Variants in XKR4 observed in about 807,000 individuals in gnomAD.
XKR4 encodes XK related 4.
XKR4 carries 12 observed loss-of-function variants against 53.9 expected under a neutral mutation model. That is an observed-to-expected ratio of 0.22 (90% CI 0.14 to 0.36). The LOEUF (loss-of-function observed/expected upper bound fraction) is 0.36. XKR4 is among the 10% of genes least tolerant of loss of function. XKR4 has a pLI of 1.00. For missense variants in XKR4, 799 were observed against 859.5 expected (o/e 0.93, Z 0.88); for synonymous variants, 354 against 362.4 (o/e 0.98, Z 0.26).
At chr8:55,481,093 C>G (rs573692953) in intron 2 of XKR4, among the ~76,000 whole-genome samples, 1 of 152,176 alleles carries the variant, frequency 6.6e-6, no homozygotes, top group Non-Finnish European at 1.5e-5. Context: ...ATTGCCAAGT[C>G]AATCCTAAGC....
chr8:55,232,055 G>A (rs1470246588), intron 1 of XKR4, among the ~76,000 whole-genome samples: 2 of 152,126 alleles, frequency 1.3e-5, no homozygotes, highest in African/African-American at 4.8e-5. Context: ...AGAAAGACAT[G>A]GGTGGTTCAA....
intron 1 of XKR4, among the ~76,000 whole-genome samples, chr8:55,344,206 T>C (rs1270083900): frequency 6.6e-6 from 1 of 152,200 alleles, no homozygotes; most frequent in Non-Finnish European, 1.5e-5. Flanking sequence ...CCTATGGATT[T>C]TTCAGTTATC....
intron 2 of XKR4, among the ~76,000 whole-genome samples, chr8:55,444,650 A>G (rs1242991757): frequency 6.6e-6 from 1 of 152,226 alleles, no homozygotes; most frequent in Admixed American, 6.5e-5. Flanking sequence ...GCAAGTTGAA[A>G]ATTTAAAAGT....
chr8:55,354,734 A>G (rs781097250), intron 1 of XKR4, among the ~76,000 whole-genome samples: 2 of 152,080 alleles, frequency 1.3e-5, no homozygotes, highest in Admixed American at 6.5e-5. Flanking sequence ...CATGCACAAA[A>G]TGGATAAAAA....
At chr8:55,153,128 A>C (rs987484168) in intron 1 of XKR4, among the ~76,000 whole-genome samples, 1 of 152,162 alleles carries the variant, frequency 6.6e-6, no homozygotes, top group Non-Finnish European at 1.5e-5. Flanking sequence ...ATCCAGACTC[A>C]AGGTCCACAC....
At chr8:55,453,704 C>G in intron 2 of XKR4, 1 of 393,950 alleles carries the variant, frequency 2.5e-6, no homozygotes, top group Non-Finnish European at 4.9e-6. Context: ...GCTGCTGTCA[C>G]CCGGCCTCTG....
chr8:55,186,417 A>T (rs1473727466), intron 1 of XKR4, among the ~76,000 whole-genome samples: 1 of 152,128 alleles, frequency 6.6e-6, no homozygotes. Context: ...GCACTTTGGG[A>T]GGCCAAGGAG....
At chr8:55,302,533 A>G (rs1319511139) in intron 1 of XKR4, among the ~76,000 whole-genome samples, 1 of 152,232 alleles carries the variant, frequency 6.6e-6, no homozygotes, top group African/African-American at 2.4e-5. Flanking sequence ...TTCTGTGAAG[A>G]AAGTCATTGG....
At chr8:55,365,375 C>T (rs1803964422) in intron 2 of XKR4, among the ~76,000 whole-genome samples, 1 of 152,160 alleles carries the variant, frequency 6.6e-6, no homozygotes, top group Admixed American at 6.5e-5. Context: ...AGTAGCATAC[C>T]ACCCCAGACC....
intron 2 of XKR4, among the ~76,000 whole-genome samples, chr8:55,374,505 A>G (rs1277129484): frequency 6.6e-6 from 1 of 152,242 alleles, no homozygotes; most frequent in Non-Finnish European, 1.5e-5. Flanking sequence ...GGGAGAGCTC[A>G]TTGGAGAAGG....
chr8:55,302,433 G>A (rs1311612192), intron 1 of XKR4, among the ~76,000 whole-genome samples: 1 of 152,160 alleles, frequency 6.6e-6, no homozygotes, highest in Non-Finnish European at 1.5e-5. Context: ...GTAGCATGAT[G>A]CCTCCAGCTT....
At chr8:55,196,066 A>T (rs1410712482) in intron 1 of XKR4, among the ~76,000 whole-genome samples, 1 of 152,110 alleles carries the variant, frequency 6.6e-6, no homozygotes, top group East Asian at 1.9e-4. Flanking sequence ...TGGTGTCCTC[A>T]TGCTGCAGGT....
At chr8:55,259,783 C>T (rs1269283631) in intron 1 of XKR4, among the ~76,000 whole-genome samples, 2 of 152,158 alleles carry the variant, frequency 1.3e-5, no homozygotes, top group African/African-American at 2.4e-5. Flanking sequence ...TCCTAACAGA[C>T]TTTATTACAT....
At chr8:55,358,847 G>A (rs531365281) in intron 2 of XKR4, among the ~76,000 whole-genome samples, 3 of 152,274 alleles carry the variant, frequency 2.0e-5, no homozygotes, top group East Asian at 3.9e-4. Flanking sequence ...GTTTTGTTCT[G>A]GTTGGTCCGG....
chr8:55,340,846 A>T (rs961880295), intron 1 of XKR4, among the ~76,000 whole-genome samples: 7 of 152,304 alleles, frequency 4.6e-5, no homozygotes, highest in African/African-American at 1.7e-4. Context: ...GGGAGGAAGC[A>T]GTAGGGACAT....
chr8:55,319,373 T>A (rs1026056958), intron 1 of XKR4, among the ~76,000 whole-genome samples: 29 of 152,198 alleles, frequency 1.9e-4, no homozygotes, highest in African/African-American at 7.0e-4. Context: ...TAACATAACA[T>A]GAAATAAAAG....
chr8:55,294,013 C>T (rs568939952), intron 1 of XKR4, among the ~76,000 whole-genome samples: 11 of 152,316 alleles, frequency 7.2e-5, no homozygotes, highest in African/African-American at 1.2e-4. Context: ...AAATACTTCA[C>T]GCCCAAGACA....
chr8:55,122,128 C>T (rs1816400331), intron 1 of XKR4, among the ~76,000 whole-genome samples: 1 of 152,050 alleles, frequency 6.6e-6, no homozygotes. Context: ...AAATTTCATC[C>T]TCATTTGTTT....
chr8:55,326,472 T>C (rs1424104425), intron 1 of XKR4, among the ~76,000 whole-genome samples: 1 of 147,534 alleles, frequency 6.8e-6, no homozygotes, highest in Non-Finnish European at 1.5e-5. Flanking sequence ...TTTTTCCTTT[T>C]TTTTTTTTTT....
Sources: gnomAD v4.1 joint callset for allele counts (sites outside exome capture counted in the v4.1 genomes callset) on GRCh38, gnomAD v4.1.1 for gene constraint, MANE v1.5 for transcripts, NCBI Gene and HGNC (gene_info 2026-07-23, HGNC 2026-07-21) for gene names.